The following IL6ST variants were observed in gnomAD, a reference collection of about 807,000 sequenced individuals.
IL6ST encodes the protein interleukin 6 cytokine family signal transducer, also known as interleukin-6 receptor subunit beta.
In IL6ST, 24 loss-of-function variants were observed where a neutral mutation model predicts 91.3. The ratio of observed to expected loss-of-function variants is 0.26; its 90% CI spans 0.19 to 0.37. IL6ST has a LOEUF of 0.37. Among genes scored for constraint, IL6ST ranks in the 10% least tolerant of loss-of-function variants. IL6ST has a pLI of 1.00. For missense variants in IL6ST, 914 were observed against 1,078.5 expected (o/e 0.85, Z 2.14); for synonymous variants, 351 against 373.6 (o/e 0.94, Z 0.70).
intron 7 of IL6ST, among the ~76,000 whole-genome samples, chr5:55,962,722 C>A (rs759009587): frequency 3.3e-5 from 5 of 152,126 alleles, no homozygotes; most frequent in Non-Finnish European, 2.9e-5. Flanking sequence ...TGCAGCACAC[C>A]AATCCCTACA....
Position 55,941,063 on chromosome 5 carries a change from A to G in IL6ST, c.*19T>C. ...ACTTTATAGGTACTGCTGAAGTTGTAGCAGGAACTACTAGTCCTTCACTGA... is the reference window on the plus strand; with the variant it reads ...ACTTTATAGGTACTGCTGAAGTTGTGGCAGGAACTACTAGTCCTTCACTGA... On this transcript the variant is annotated 3_prime_UTR_variant, in exon 17 of 17. Coordinates refer to ENST00000381298, the MANE Select transcript of IL6ST (RefSeq NM_002184.4). The G allele has an allele frequency of 5.7e-6, 9 of 1,577,296 alleles. No individual in the cohort carries two copies. In the South Asian group the frequency reaches 9.4e-5, roughly 16 times the overall value.
In IL6ST at chr5:55,968,259, A is replaced by C; in HGVS notation, c.491+17T>G. ...ACTTTAATAAATCTAACATGAAACA[A>C]ATTTAAAATAACGTACCATTCAGAT... is the stretch of plus-strand genomic sequence containing the variant. On this transcript the variant is annotated intron_variant, in intron 5 of 16. Coordinates refer to ENST00000381298, the MANE Select transcript of IL6ST (RefSeq NM_002184.4). 1 of 1,563,602 alleles carries C rather than the reference A, an allele frequency of 6.4e-7. No individual in the cohort carries two copies. The highest frequency in any genetic ancestry group is 8.6e-7 in the Non-Finnish European group (1 of 1,159,740).
intron 14 of IL6ST, among the ~76,000 whole-genome samples, chr5:55,950,535 C>CAAAAAAAA (rs70995750): frequency 1.0e-3 from 30 of 29,350 alleles, no homozygotes; most frequent in East Asian, 1.8e-3. Context: ...GACTCTGTCT[C>CAAAAAAAA]AAAAAAAAAA....
At chr5:55,988,049 C>T (rs1398365242) in intron 1 of IL6ST, among the ~76,000 whole-genome samples, 2 of 150,116 alleles carry the variant, frequency 1.3e-5, no homozygotes, top group Admixed American at 1.3e-4. Flanking sequence ...AAGAATTGCT[C>T]GAACCCGGGA....
rs1676031552 is a variant in IL6ST, at chr5:55,936,731, G to A, written c.*4351C>T. ...TAGAACATTTAATATAACATTTGGA[G>A]TTATGTCAACATAAAAATAGCTGTG... On this transcript the variant is annotated 3_prime_UTR_variant, in exon 17 of 17. Transcript: ENST00000381298. 1 of 191,782 alleles carries A rather than the reference G, an allele frequency of 5.2e-6. No individual in the cohort carries two copies. Among genetic ancestry groups the A allele is most frequent in the Non-Finnish European group, 1.1e-5 (1 of 91,746 alleles). 11.9% of individuals were successfully genotyped at this position (191,782 alleles called of 1,614,324 possible).
chr5:55,954,660 T>C (rs1348490364), intron 11 of IL6ST, 150 bp downstream of exon 11: 4 of 569,734 alleles, frequency 7.0e-6, no homozygotes, highest in East Asian at 3.0e-5. Context: ...AGGTTAAGTA[T>C]GACTTGCTGA....
At chr5:55,967,477 T>C (rs897018069) in intron 5 of IL6ST, among the ~76,000 whole-genome samples, 5 of 151,868 alleles carry the variant, frequency 3.3e-5, no homozygotes, top group Non-Finnish European at 7.4e-5. Flanking sequence ...TATTCGAATC[T>C]TGACTGAAAC....
intron 1 of IL6ST, among the ~76,000 whole-genome samples, chr5:55,983,541 C>T (rs1339779589): frequency 6.6e-6 from 1 of 152,186 alleles, no homozygotes; most frequent in African/African-American, 2.4e-5. Flanking sequence ...TAGTGCTCCT[C>T]TTTGAAATAC....
intron 7 of IL6ST, among the ~76,000 whole-genome samples, chr5:55,962,812 C>G (rs1194871174): frequency 6.6e-6 from 1 of 151,926 alleles, no homozygotes; most frequent in Non-Finnish European, 1.5e-5. Flanking sequence ...TTTGTAACAC[C>G]CATCAAAAAT....
At chr5:55,951,840 AAGATGTAT>A in intron 13 of IL6ST, 81 bp downstream of exon 13, 1 of 855,768 alleles carries the variant, frequency 1.2e-6, no homozygotes, top group Non-Finnish European at 1.8e-6. Context: ...AATATACTAT[AAGATGTAT>A]AAGAAGAACA....
intron 11 of IL6ST, among the ~76,000 whole-genome samples, chr5:55,953,440 A>G (rs1751765286): frequency 6.6e-6 from 1 of 152,146 alleles, no homozygotes; most frequent in Non-Finnish European, 1.5e-5. Flanking sequence ...TTCAGGCTGG[A>G]GTGCAATGGC....
At chr5:55,942,218 G>A (rs550811657) in intron 16 of IL6ST, among the ~76,000 whole-genome samples, 1 of 152,228 alleles carries the variant, frequency 6.6e-6, no homozygotes, top group Non-Finnish European at 1.5e-5. Context: ...AAATATAAAT[G>A]AGTTCCCCTT....
chr5:55,962,106 C>T (rs1018593789), intron 7 of IL6ST, among the ~76,000 whole-genome samples: 7 of 152,132 alleles, frequency 4.6e-5, no homozygotes, highest in Non-Finnish European at 8.8e-5. Context: ...GTATTAGATA[C>T]AAAATAAACA....
Position 55,964,205 on chromosome 5 carries a change from G to C in IL6ST, c.599C>G (p.Ala200Gly), listed in dbSNP as rs199905033. ...TGTAACCTTCCCAAGGGCATTCTCT[G>C]CTTCTACCCAGACTTCAATGTTGAC... ...YFVNIEVWVE[A>G]ENALGKVTSD... is the part of the protein sequence containing the mutation. The change falls in exon 6 of 17, where the codon GCA (alanine) becomes GGA (glycine). Residue 200 changes from alanine (A) to glycine (G), a missense_variant. Physicochemically the swap from Ala to Gly is moderately conservative, Grantham distance 60 (BLOSUM62 0). Transcript: ENST00000381298. The C allele has an allele frequency of 6.2e-7, 1 of 1,610,092 alleles. No homozygotes were observed.
At chr5:55,964,804 T>C (rs1309051364) in intron 5 of IL6ST, among the ~76,000 whole-genome samples, 3 of 152,128 alleles carry the variant, frequency 2.0e-5, no homozygotes, top group African/African-American at 7.2e-5. Context: ...TCTATCACCA[T>C]GGAAAGTTTC....
intron 3 of IL6ST, among the ~76,000 whole-genome samples, chr5:55,972,824 G>A (rs1327025959): frequency 2.0e-5 from 3 of 151,688 alleles, no homozygotes; most frequent in Non-Finnish European, 4.4e-5. Context: ...GACCAACATG[G>A]TGAAATCCCG....
intron 14 of IL6ST, 27 bp from the exon 15 acceptor site, chr5:55,947,616 A>C: frequency 8.3e-7 from 1 of 1,209,880 alleles, no homozygotes. Context: ...AAAAAAAAAA[A>C]AGAGGTGTGA....
intron 1 of IL6ST, among the ~76,000 whole-genome samples, chr5:55,985,239 G>A (rs981250869): frequency 2.0e-5 from 3 of 152,076 alleles, no homozygotes; most frequent in African/African-American, 4.8e-5. Context: ...TAAAGGGCCC[G>A]ACGCAGTAGC....
At chr5:55,993,071 G>A (rs71624106) in intron 1 of IL6ST, among the ~76,000 whole-genome samples, 3,522 of 152,260 alleles carry the variant, frequency 0.023, 79 homozygotes, top group Middle Eastern at 0.044. Flanking sequence ...AAACGGAGAA[G>A]CTGTGAGAAC....
Sources: allele counts gnomAD v4.1 joint callset (sites outside exome capture counted in the v4.1 genomes callset), GRCh38; gene constraint gnomAD v4.1.1; transcripts MANE v1.5; gene names NCBI Gene and HGNC (gene_info 2026-07-23, HGNC 2026-07-21).